The following FARS2 variants were observed in gnomAD, a reference collection of about 807,000 sequenced individuals.
FARS2 encodes phenylalanyl-tRNA synthetase 2, mitochondrial.
A neutral mutation model predicts 46.4 loss-of-function variants in FARS2; 40 were observed. That is an observed-to-expected ratio of 0.86 (90% CI 0.67 to 1.12). The LOEUF (loss-of-function observed/expected upper bound fraction) is 1.12, where lower values mean the gene tolerates loss of function less well. Among genes scored for constraint, FARS2 ranks in the 50% most tolerant of loss-of-function variants. The probability of loss-of-function intolerance (pLI) is 0.00; values close to 1 mark genes in which losing one functional copy is unlikely to be tolerated. For synonymous variants in FARS2, 234 were observed against 214.9 expected (o/e 1.09, Z -0.78); for missense variants, 513 against 567.9 (o/e 0.90, Z 0.98).
chr6:5,544,542 A>G (rs983007533), intron 4 of FARS2, among the ~76,000 whole-genome samples: 1 of 152,096 alleles, frequency 6.6e-6, no homozygotes, highest in African/African-American at 2.4e-5. Context: ...AAACCCTTCT[A>G]ATTTATGGCA....
At position 5,461,812 on chromosome 6, in the gene FARS2, C is replaced by T. The variant is rs572438729; in HGVS notation, c.904+30640C>T. 5.3e-5 allele frequency among the ~76,000 whole-genome samples: 8 copies of T among 152,210 alleles called. No homozygotes were observed. In the East Asian group the frequency reaches 5.8e-4, roughly 11 times the overall value. On this transcript the variant is annotated intron_variant, in intron 4 of 6. Transcript: ENST00000274680. ...ATAGTATTGTACACATTTTATTTAT[C>T]TATTTACCAGTCAGTGGGCGTTTAG... is the stretch of plus-strand genomic sequence containing the variant.
chr6:5,564,333 C>T (rs1043986500), intron 5 of FARS2, among the ~76,000 whole-genome samples: 2 of 152,284 alleles, frequency 1.3e-5, no homozygotes, highest in Admixed American at 1.3e-4. Flanking sequence ...TTATGGGCAC[C>T]TTACTCACTT....
At chr6:5,570,045 A>G (rs1029479865) in intron 5 of FARS2, among the ~76,000 whole-genome samples, 2 of 152,176 alleles carry the variant, frequency 1.3e-5, no homozygotes, top group African/African-American at 4.8e-5. Flanking sequence ...AGGTTATGTA[A>G]ATGCTAGTCA....
intron 5 of FARS2, among the ~76,000 whole-genome samples, chr6:5,584,659 G>A (rs1242389838): frequency 1.3e-5 from 2 of 152,118 alleles, no homozygotes; most frequent in East Asian, 3.9e-4. Flanking sequence ...TTTCCTTGAT[G>A]GCTGTTTTAT....
chr6:5,558,934 G>T (rs192918450), intron 5 of FARS2, among the ~76,000 whole-genome samples: 14 of 152,158 alleles, frequency 9.2e-5, no homozygotes, highest in African/African-American at 3.4e-4. Flanking sequence ...GAACTCTTGG[G>T]TAACTGTGAT....
chr6:5,629,947 GAT>G (rs1438962119), intron 6 of FARS2, among the ~76,000 whole-genome samples: 1 of 152,172 alleles, frequency 6.6e-6, no homozygotes, highest in Non-Finnish European at 1.5e-5. Context: ...TGGAGATGAG[GAT>G]TAAGTAGGGG....
intron 4 of FARS2, among the ~76,000 whole-genome samples, chr6:5,502,061 C>G (rs1303348890): frequency 6.6e-6 from 1 of 152,194 alleles, no homozygotes; most frequent in Non-Finnish European, 1.5e-5. Context: ...AGTGTGCTGA[C>G]ACACCAGTGG....
intron 4 of FARS2, among the ~76,000 whole-genome samples, chr6:5,442,467 A>G (rs1341272379): frequency 1.3e-5 from 2 of 151,838 alleles, no homozygotes; most frequent in Non-Finnish European, 2.9e-5. Context: ...TCTTTATATA[A>G]CATCATTCTC....
chr6:5,383,725 G>A (rs1759938277), intron 2 of FARS2, among the ~76,000 whole-genome samples: 1 of 150,466 alleles, frequency 6.6e-6, no homozygotes, highest in Non-Finnish European at 1.5e-5. Flanking sequence ...TGTCAATTAT[G>A]TATCTTGTGG....
At chr6:5,763,767 GGTTT>G (rs1762609047) in intron 6 of FARS2, among the ~76,000 whole-genome samples, 1 of 23,476 alleles carries the variant, frequency 4.3e-5, no homozygotes, top group Non-Finnish European at 1.7e-4. Context: ...CTTCCCTTTT[GGTTT>G]TTTTTTTTTT....
intron 1 of FARS2, among the ~76,000 whole-genome samples, chr6:5,367,518 T>C (rs991359461): frequency 1.3e-5 from 2 of 152,078 alleles, no homozygotes; most frequent in Non-Finnish European, 2.9e-5. Flanking sequence ...GGTTGTCTTA[T>C]TGAACTCTTT....
intron 5 of FARS2, among the ~76,000 whole-genome samples, chr6:5,580,069 A>G (rs2150578234): frequency 6.6e-6 from 1 of 152,100 alleles, no homozygotes. Flanking sequence ...AGGCAGGCGG[A>G]TCATGAGGTC....
intron 4 of FARS2, among the ~76,000 whole-genome samples, chr6:5,462,410 A>AT (rs1039438442): frequency 2.6e-5 from 4 of 151,808 alleles, no homozygotes; most frequent in Non-Finnish European, 1.5e-5. Context: ...TAATTCATCC[A>AT]TTTTTTTAAT....
At chr6:5,674,193 TAAAAAAAA>T (rs71540878) in intron 6 of FARS2, among the ~76,000 whole-genome samples, 1 of 76,354 alleles carries the variant, frequency 1.3e-5, no homozygotes, top group African/African-American at 4.8e-5. Flanking sequence ...GCATTCTCAT[TAAAAAAAA>T]AAAAAAAAAA....
intron 1 of FARS2, among the ~76,000 whole-genome samples, chr6:5,332,013 G>T (rs569172292): frequency 6.6e-6 from 1 of 152,238 alleles, no homozygotes; most frequent in Admixed American, 6.5e-5. Context: ...ATTTCATTGA[G>T]TTTTCACAGA....
At chr6:5,318,750 A>G (rs1045218305) in intron 1 of FARS2, among the ~76,000 whole-genome samples, 1 of 152,118 alleles carries the variant, frequency 6.6e-6, no homozygotes, top group Non-Finnish European at 1.5e-5. Flanking sequence ...GTAGTGCCCC[A>G]TGACCAGTCT....
intron 6 of FARS2, among the ~76,000 whole-genome samples, chr6:5,669,135 CAG>C (rs1466129741): frequency 6.6e-6 from 1 of 152,178 alleles, no homozygotes; most frequent in Admixed American, 6.5e-5. Flanking sequence ...AAAAAACAAA[CAG>C]ATGTTAATTC....
At chr6:5,758,438 G>A (rs1047182760) in intron 6 of FARS2, among the ~76,000 whole-genome samples, 14 of 151,962 alleles carry the variant, frequency 9.2e-5, no homozygotes, top group Non-Finnish European at 1.8e-4. Context: ...AAACTTATCC[G>A]CTCTCAGTAA....
intron 4 of FARS2, among the ~76,000 whole-genome samples, chr6:5,432,509 T>G: frequency 9.2e-6 from 1 of 109,030 alleles, no homozygotes; most frequent in South Asian, 2.7e-4. Context: ...ATTTTTTATA[T>G]CCCAATCATA....
Sources: allele counts gnomAD v4.1 joint callset (sites outside exome capture counted in the v4.1 genomes callset), GRCh38; gene constraint gnomAD v4.1.1; transcripts MANE v1.5; gene names NCBI Gene and HGNC (gene_info 2026-07-23, HGNC 2026-07-21).